TSPAN5: variants seen among roughly 807,000 people sequenced by gnomAD.
The protein encoded by TSPAN5 is tetraspanin-5.
A neutral mutation model predicts 37.1 loss-of-function variants in TSPAN5; 10 were observed. The ratio of observed to expected loss-of-function variants is 0.27; its 90% CI spans 0.17 to 0.46. The LOEUF is 0.46. Ranked by LOEUF, TSPAN5 falls within the 20% of genes least tolerant of loss-of-function variation. The pLI is 1.00. For missense variants in TSPAN5, 195 were observed against 326.6 expected, an observed-to-expected ratio of 0.60 and a Z score of 3.11; for synonymous variants, 110 against 118.9, an observed-to-expected ratio of 0.93 and a Z score of 0.48.
intron 3 of TSPAN5, chr4:98,485,435 T>C (rs1752939191): frequency 6.6e-6 from 1 of 152,244 alleles, no homozygotes; most frequent in African/African-American, 2.4e-5. Context: ...ATCTGGCAGA[T>C]AAGGCAGATG....
Position 98,478,849 on chromosome 4 carries a change from G to A in TSPAN5, c.451-39C>T, listed in dbSNP as rs561393909. ...GAAAGAATTAGAACATCCCAACTTG[G>A]AGGCAAGCAGTCACCTACACTCACA... On this transcript the variant is annotated intron_variant, in intron 4 of 7. Transcript: ENST00000305798. 3.7e-6 allele frequency: 6 copies of A among 1,606,190 alleles called. No homozygotes were observed. The South Asian group carries it at 5.5e-5, about 15-fold the overall frequency.
At chr4:98,488,662 C>T (rs1050503297) in intron 2 of TSPAN5, among the ~76,000 whole-genome samples, 8 of 152,048 alleles carry the variant, frequency 5.3e-5, no homozygotes, top group Non-Finnish European at 1.2e-4. Flanking sequence ...ATATTTACTC[C>T]GGGGGAAAAG....
chr4:98,470,440 A>C lies in TSPAN5; in HGVS notation c.*2082T>G, dbSNP rs1752555906. On this transcript the variant is annotated 3_prime_UTR_variant, in exon 8 of 8. Coordinates refer to ENST00000305798, the MANE Select transcript of TSPAN5 (RefSeq NM_005723.4). ...CAAGTGTAAAAAATAAAGGGTGATT[A>C]ATTAATATTTAAAACTCACTCGGAC... 6.6e-6 allele frequency: 1 copy of C among 152,230 alleles called. No homozygotes were observed. Among genetic ancestry groups the C allele is most frequent in the Non-Finnish European group, 1.5e-5 (1 of 68,032 alleles). The allele number at this position is 152,230 out of a possible 1,614,324, so 9.4% of individuals were successfully genotyped here. A position where few individuals can be genotyped will look rare whatever the true frequency, so the allele number is the denominator to read the frequency against.
At chr4:98,478,584 A>T in intron 5 of TSPAN5, 101 bp downstream of exon 5, 1 of 1,400,430 alleles carries the variant, frequency 7.1e-7, no homozygotes, top group Non-Finnish European at 1.0e-6. Flanking sequence ...ACGAGTAACC[A>T]GGTAAGAAGA....
rs551790041 is a variant in TSPAN5 at position 98,548,945 on chromosome 4, A to T, written c.82-41217T>A. ...TAACCCACATTTTCTGTATCCAATG[A>T]TCCTCCACTGATGGACACTTAGGTT... is the stretch of plus-strand genomic sequence containing the variant. On this transcript the variant is annotated intron_variant, in intron 1 of 7. Coordinates refer to ENST00000305798, the MANE Select transcript of TSPAN5 (RefSeq NM_005723.4). Among the ~76,000 whole-genome samples, 73 of 151,412 alleles carry T rather than the reference A, an allele frequency of 4.8e-4. 1 individual carries two copies. The highest frequency in any genetic ancestry group is 3.4e-3 in the Middle Eastern group (1 of 294).
intron 1 of TSPAN5, among the ~76,000 whole-genome samples, chr4:98,513,613 C>T (rs1024348949): frequency 2.6e-5 from 4 of 152,098 alleles, no homozygotes; most frequent in Non-Finnish European, 4.4e-5. Flanking sequence ...GCATCTTCTA[C>T]AGAGACTATG....
At chr4:98,609,430 C>T (rs2110232062) in intron 1 of TSPAN5, among the ~76,000 whole-genome samples, 1 of 152,232 alleles carries the variant, frequency 6.6e-6, no homozygotes, top group East Asian at 1.9e-4. Context: ...CTGCTTGTCC[C>T]TTTTTGCTGG....
chr4:98,615,584 G>T (rs1756307629), intron 1 of TSPAN5, among the ~76,000 whole-genome samples: 1 of 152,214 alleles, frequency 6.6e-6, no homozygotes, highest in African/African-American at 2.4e-5. Context: ...ACTTTGGGAG[G>T]CCAAGGCAGG....
intron 5 of TSPAN5, among the ~76,000 whole-genome samples, chr4:98,477,362 G>A (rs1158435806): frequency 6.6e-6 from 1 of 152,198 alleles, no homozygotes. Context: ...CAGACCAAGA[G>A]AAACAGCTGA....
At chr4:98,515,520 T>TCTCTCTCTCTCTCC (rs1753708831) in intron 1 of TSPAN5, among the ~76,000 whole-genome samples, 1 of 152,122 alleles carries the variant, frequency 6.6e-6, no homozygotes, top group African/African-American at 2.4e-5. Flanking sequence ...AGGCTCTCTC[T>TCTCTCTCTCTCTCC]CTCTCTCTCT....
At chr4:98,548,133 G>A (rs1754514697) in intron 1 of TSPAN5, among the ~76,000 whole-genome samples, 1 of 151,964 alleles carries the variant, frequency 6.6e-6, no homozygotes, top group African/African-American at 2.4e-5. Context: ...CTCTTAGAAA[G>A]CATATGAACC....
At chr4:98,560,546 G>T (rs1754858366) in intron 1 of TSPAN5, among the ~76,000 whole-genome samples, 2 of 152,202 alleles carry the variant, frequency 1.3e-5, no homozygotes, top group African/African-American at 4.8e-5. Flanking sequence ...TGCCTCCAAG[G>T]CCTGTCTAGC....
chr4:98,484,970 A>T (rs545089519), intron 3 of TSPAN5: 4 of 174,666 alleles, frequency 2.3e-5, no homozygotes, highest in Non-Finnish European at 4.9e-5. Context: ...AAAATTAGCC[A>T]GGCACGGTGG....
chr4:98,577,599 T>G (rs1755268814), intron 1 of TSPAN5, among the ~76,000 whole-genome samples: 1 of 152,198 alleles, frequency 6.6e-6, no homozygotes, highest in South Asian at 2.1e-4. Context: ...TTTATCACAT[T>G]TGACAAAAGT....
rs1002053698 is a variant in TSPAN5, at chr4:98,470,860, G to A, written c.*1662C>T. On this transcript the variant is annotated 3_prime_UTR_variant, in exon 8 of 8. Transcript: ENST00000305798. Reference sequence around the variant, plus strand: ...CCATGGGGCTGAAATGGAAAACCTCGCTTAATTTCCACAAAGTATTCTAGC... The same window carrying A: ...CCATGGGGCTGAAATGGAAAACCTCACTTAATTTCCACAAAGTATTCTAGC... 32 of 152,140 alleles carry A rather than the reference G, an allele frequency of 2.1e-4. No homozygotes were observed. The highest frequency in any genetic ancestry group is 1.7e-3 in the Admixed American group (26 of 15,272). 9.4% of individuals were successfully genotyped at this position (152,140 alleles called of 1,614,324 possible). A position where few individuals can be genotyped will look rare whatever the true frequency, so the allele number is the denominator to read the frequency against.
chr4:98,591,649 T>A (rs1755634010), intron 1 of TSPAN5, among the ~76,000 whole-genome samples: 1 of 115,418 alleles, frequency 8.7e-6, no homozygotes, highest in Non-Finnish European at 1.7e-5. Context: ...TTATATTGAT[T>A]ACAGGTTGAT....
chr4:98,647,048 G>A (rs1757084662), intron 1 of TSPAN5, among the ~76,000 whole-genome samples: 3 of 152,146 alleles, frequency 2.0e-5, no homozygotes, highest in Non-Finnish European at 2.9e-5. Flanking sequence ...ACATAGCTGG[G>A]TAAAAATCCA....
At chr4:98,646,246 A>C (rs1757066630) in intron 1 of TSPAN5, among the ~76,000 whole-genome samples, 1 of 152,224 alleles carries the variant, frequency 6.6e-6, no homozygotes, top group Non-Finnish European at 1.5e-5. Flanking sequence ...CTGGAAGGAC[A>C]TATAAGGGGA....
intron 3 of TSPAN5, chr4:98,486,514 T>G (rs565468331): frequency 8.9e-4 from 472 of 529,906 alleles, no homozygotes; most frequent in Non-Finnish European, 1.3e-3. Flanking sequence ...GCACAAAACC[T>G]CCATGGATGG....
Sources: allele counts gnomAD v4.1 joint callset (sites outside exome capture counted in the v4.1 genomes callset), GRCh38; gene constraint gnomAD v4.1.1; transcripts MANE v1.5; gene names NCBI Gene and HGNC (gene_info 2026-07-23, HGNC 2026-07-21).